Variants in MGMT observed in about 807,000 individuals in gnomAD.
The protein encoded by MGMT is O-6-methylguanine-DNA methyltransferase.
MGMT carries 14 observed loss-of-function variants against 15.9 expected under a neutral mutation model. The observed-to-expected ratio is 0.88, with a 90% confidence interval of 0.58 to 1.37. The LOEUF is 1.37. MGMT is among the 40% of genes most tolerant of loss of function. MGMT has a pLI of 0.00. For missense variants in MGMT, 282 were observed against 268.1 expected, an observed-to-expected ratio of 1.05 and a Z score of -0.36; for synonymous variants, 130 against 118.2, an observed-to-expected ratio of 1.10 and a Z score of -0.65.
intron 1 of MGMT, among the ~76,000 whole-genome samples, chr10:129,521,811 A>G (rs979296835): frequency 1.3e-5 from 2 of 152,212 alleles, no homozygotes; most frequent in African/African-American, 4.8e-5. Flanking sequence ...GCCGCAGCTG[A>G]GGCCTGTGCA....
At chr10:129,689,056 G>T (rs1312442175) in intron 2 of MGMT, among the ~76,000 whole-genome samples, 1 of 152,022 alleles carries the variant, frequency 6.6e-6, no homozygotes, top group Non-Finnish European at 1.5e-5. Context: ...CAGCCTCCTG[G>T]GTAGCTGAGA....
At chr10:129,505,028 G>T (rs1845610385) in intron 1 of MGMT, among the ~76,000 whole-genome samples, 2 of 152,208 alleles carry the variant, frequency 1.3e-5, no homozygotes, top group Admixed American at 1.3e-4. Context: ...ACTTTGGAAA[G>T]TGTTATAGAC....
At chr10:129,551,840 G>T (rs945733294) in intron 2 of MGMT, among the ~76,000 whole-genome samples, 2 of 152,176 alleles carry the variant, frequency 1.3e-5, no homozygotes, top group African/African-American at 4.8e-5. Context: ...TGCCTGGCCT[G>T]CGCTCGCCTG....
chr10:129,696,926 A>T lies in MGMT; in HGVS notation c.126-10969A>T, dbSNP rs1848039379. On this transcript the variant is annotated intron_variant, in intron 2 of 4. Transcript: ENST00000651593. Reference sequence around the variant, plus strand: ...GGCCTTGCTTTGGAGGGTTGACAGTAGGGGACACGGCAGGCCGGGGGCATT... The same window carrying T: ...GGCCTTGCTTTGGAGGGTTGACAGTTGGGGACACGGCAGGCCGGGGGCATT... 2.0e-5 allele frequency among the ~76,000 whole-genome samples: 3 copies of T among 152,332 alleles called. No individual in the cohort carries two copies. The South Asian group carries it at 6.2e-4, about 32-fold the overall frequency.
Position 129,559,166 on chromosome 10 carries a change from A to G in MGMT, c.125+22789A>G, listed in dbSNP as rs578154451. ...ATCTTTAACTCTCCTTAGGTGAGTG[A>G]CTTCACTGATACTAAGAGTGATTAA... is the stretch of plus-strand genomic sequence containing the variant. On this transcript the variant is annotated intron_variant, in intron 2 of 4. Coordinates refer to ENST00000651593, the MANE Select transcript of MGMT (RefSeq NM_002412.5). Among the ~76,000 whole-genome samples the G allele has an allele frequency of 3.9e-5, 6 of 152,310 alleles. No homozygotes were observed. In the South Asian group the frequency reaches 1.2e-3, roughly 32 times the overall value.
intron 1 of MGMT, among the ~76,000 whole-genome samples, chr10:129,510,694 G>C (rs1280933812): frequency 6.6e-6 from 1 of 152,170 alleles, no homozygotes; most frequent in Non-Finnish European, 1.5e-5. Flanking sequence ...TTCAGGTACA[G>C]AATAAGGGCA....
intron 2 of MGMT, among the ~76,000 whole-genome samples, chr10:129,695,820 C>G (rs1028562588): frequency 1.3e-5 from 2 of 152,192 alleles, no homozygotes; most frequent in African/African-American, 2.4e-5. Flanking sequence ...CGTGGCTTCC[C>G]AAGCTCTGGC....
At chr10:129,478,082 G>A (rs1408111659) in intron 1 of MGMT, among the ~76,000 whole-genome samples, 1 of 152,208 alleles carries the variant, frequency 6.6e-6, no homozygotes, top group Non-Finnish European at 1.5e-5. Flanking sequence ...GAAAGGCCTG[G>A]TGCTGTCCTG....
intron 3 of MGMT, among the ~76,000 whole-genome samples, chr10:129,743,859 C>T (rs527295026): frequency 2.0e-5 from 3 of 152,204 alleles, no homozygotes; most frequent in Admixed American, 6.5e-5. Flanking sequence ...ATCCTAATGG[C>T]GGAAGCAGCC....
intron 1 of MGMT, among the ~76,000 whole-genome samples, chr10:129,528,962 C>T (rs773146274): frequency 1.3e-5 from 2 of 152,166 alleles, no homozygotes; most frequent in African/African-American, 2.4e-5. Context: ...AAGCAAATCA[C>T]GTCACTGTGA....
At chr10:129,559,535 T>C (rs549976218) in intron 2 of MGMT, among the ~76,000 whole-genome samples, 32 of 152,230 alleles carry the variant, frequency 2.1e-4, no homozygotes, top group Non-Finnish European at 3.4e-4. Context: ...GAGATTTCTT[T>C]AGGTATTAGC....
chr10:129,607,357 C>T (rs1483111446), intron 2 of MGMT, among the ~76,000 whole-genome samples: 1 of 152,062 alleles, frequency 6.6e-6, no homozygotes, highest in Non-Finnish European at 1.5e-5. Context: ...TCCTTTCTAC[C>T]TAAGTACCAT....
chr10:129,528,518 G>A (rs1028267223), intron 1 of MGMT, among the ~76,000 whole-genome samples: 1 of 152,060 alleles, frequency 6.6e-6, no homozygotes, highest in African/African-American at 2.4e-5. Context: ...GGCAGTGGCG[G>A]GGGGAGCGGG....
At chr10:129,517,696 A>G (rs1460474329) in intron 1 of MGMT, among the ~76,000 whole-genome samples, 1 of 152,156 alleles carries the variant, frequency 6.6e-6, no homozygotes, top group Non-Finnish European at 1.5e-5. Context: ...CCTGTTGCAG[A>G]GGAGGAAAAA....
chr10:129,536,172 C>G, intron 1 of MGMT, 69 bp from the exon 2 acceptor site: 2 of 1,528,710 alleles, frequency 1.3e-6, no homozygotes, highest in Non-Finnish European at 1.8e-6. Flanking sequence ...ACCAGTACTT[C>G]TGTTGTGTGT....
intron 3 of MGMT, among the ~76,000 whole-genome samples, chr10:129,737,894 G>A (rs2133168451): frequency 6.6e-6 from 1 of 152,332 alleles, no homozygotes; most frequent in African/African-American, 2.4e-5. Context: ...ACCCACTTGA[G>A]GAGGCAGTCT....
chr10:129,502,785 AT>A (rs60631849), intron 1 of MGMT, among the ~76,000 whole-genome samples: 2 of 151,128 alleles, frequency 1.3e-5, no homozygotes, highest in South Asian at 2.1e-4. Flanking sequence ...ATCAAGTTAC[AT>A]TTTTTTTTGA....
intron 2 of MGMT, among the ~76,000 whole-genome samples, chr10:129,622,891 C>T (rs1012316512): frequency 2.6e-5 from 4 of 152,160 alleles, no homozygotes; most frequent in African/African-American, 9.7e-5. Flanking sequence ...GTGACTCTGA[C>T]TTGTGGAATG....
At chr10:129,647,426 G>C (rs751386928) in intron 2 of MGMT, among the ~76,000 whole-genome samples, 2 of 152,228 alleles carry the variant, frequency 1.3e-5, no homozygotes, top group African/African-American at 2.4e-5. Flanking sequence ...GCACTTGGCT[G>C]TGTGTGTCAC....
Sources: allele counts gnomAD v4.1 joint callset (sites outside exome capture counted in the v4.1 genomes callset), GRCh38; gene constraint gnomAD v4.1.1; transcripts MANE v1.5; gene names NCBI Gene and HGNC (gene_info 2026-07-23, HGNC 2026-07-21).